The following COL7A1 variants were observed in gnomAD, a reference collection of about 807,000 sequenced individuals.
COL7A1 encodes collagen type VII alpha 1 chain, also known as collagen alpha-1(VII) chain.
Under a neutral mutation model 456.2 loss-of-function variants are expected in COL7A1, and 296 were observed. The ratio of observed to expected loss-of-function variants is 0.65; its 90% CI spans 0.59 to 0.71. The LOEUF is 0.71. Ranked by LOEUF, COL7A1 falls within the 30% of genes least tolerant of loss-of-function variation. COL7A1 has a pLI of 0.00. For missense variants in COL7A1, 3,441 were observed against 4,017.2 expected (o/e 0.86, Z 3.88); for synonymous variants, 1,464 against 1,525.9 (o/e 0.96, Z 0.95).
chr3:48,580,505 G>C lies in COL7A1; in HGVS notation c.5052+76C>G. The C allele has an allele frequency of 6.5e-7, 1 of 1,538,256 alleles. No individual in the cohort carries two copies. Among genetic ancestry groups the C allele is most frequent in the Non-Finnish European group, 8.9e-7 (1 of 1,117,944 alleles). ...GGAGGGTTTAGCATTACAGGGTTGGGGGGTAGGATCAGGTATTGGGAATTG... is the reference window on the plus strand; with the variant it reads ...GGAGGGTTTAGCATTACAGGGTTGGCGGGTAGGATCAGGTATTGGGAATTG... On this transcript the variant is annotated intron_variant, in intron 55 of 118. Transcript: ENST00000681320. This position sits in a 1 kb window ranked among gnomAD's most constrained non-coding sequence, Gnocchi z 4.5.
chr3:48,568,006 G>A lies in COL7A1; in HGVS notation c.7875+84C>T. ...CAGCTACTCCAACCTCTGACCCAGT[G>A]CCCTAATATCTGACCCCAGGTCCCT... is the stretch of plus-strand genomic sequence containing the variant. On this transcript the variant is annotated intron_variant, in intron 106 of 118. Coordinates refer to ENST00000681320, the MANE Select transcript of COL7A1 (RefSeq NM_000094.4). This position sits in a 1 kb window ranked among gnomAD's most constrained non-coding sequence, Gnocchi z 5.2. 2 of 1,598,446 alleles carry A rather than the reference G, an allele frequency of 1.3e-6. No individual in the cohort carries two copies. Among genetic ancestry groups the A allele is most frequent in the Non-Finnish European group, 1.7e-6 (2 of 1,165,944 alleles).
At position 48,569,733 on chromosome 3, in the gene COL7A1, C is replaced by T; in HGVS notation, c.7549G>A (p.Gly2517Ser). 6.2e-7 allele frequency: 1 copy of T among 1,614,180 alleles called. No homozygotes were observed. Among genetic ancestry groups the T allele is most frequent in the Non-Finnish European group, 8.5e-7 (1 of 1,180,016 alleles). The change falls in exon 101 of 119, where the codon GGT becomes AGT. Residue 2517 changes from glycine to serine, a missense_variant. Gly to Ser is a moderately conservative substitution (Grantham distance 56, BLOSUM62 0). Transcript: ENST00000681320. The surrounding 1 kb of genome is among the most constrained non-coding windows in gnomAD (Gnocchi z 4.9). ...KGDVGSAGLK[G>S]DKGDSAVILG... ...CCCATGCCCACACTCACCTTGTCAC[C>T]CTTTAGTCCTGCACTCCCAACATCA... is the stretch of plus-strand genomic sequence containing the variant.
In COL7A1 at chr3:48,582,926, G is replaced by A; in HGVS notation, c.4518+87C>T. On this transcript the variant is annotated intron_variant, in intron 44 of 118. Coordinates refer to ENST00000681320, the MANE Select transcript of COL7A1 (RefSeq NM_000094.4). ...GTCATTGAGGAGGGGTGAGGAGCAG[G>A]GGTAGCAGGGGTCAAGGGCAAGAAG... The A allele has an allele frequency of 3.2e-6, 5 of 1,583,818 alleles. No homozygotes were observed. In the Admixed American group the frequency reaches 5.0e-5, roughly 16 times the overall value.
rs1335086116 is a variant in COL7A1 at position 48,575,933 on chromosome 3, C to T, written c.5821-31G>A. On this transcript the variant is annotated intron_variant, in intron 71 of 118. Coordinates refer to ENST00000681320, the MANE Select transcript of COL7A1 (RefSeq NM_000094.4). This position sits in a 1 kb window ranked among gnomAD's most constrained non-coding sequence, Gnocchi z 6.3. ...GACAAAGTCTGGGTGAAGGGCTGCC[C>T]ATGACAGAGAAGCTCCTGCCTTCTG... is the stretch of plus-strand genomic sequence containing the variant. The T allele has an allele frequency of 1.2e-6, 2 of 1,614,116 alleles. No individual in the cohort carries two copies. The highest frequency in any genetic ancestry group is 1.6e-4 in the Middle Eastern group (1 of 6,062).
In COL7A1 at chr3:48,578,557, AT is replaced by A. The variant is rs1320385580; in HGVS notation, c.5425-43del. 1 of 1,601,398 alleles carries A rather than the reference AT, an allele frequency of 6.2e-7. No homozygotes were observed. The highest frequency in any genetic ancestry group is 1.3e-5 in the African/African-American group (1 of 74,770). On this transcript the variant is annotated intron_variant, in intron 63 of 118. Transcript: ENST00000681320. The surrounding 1 kb of genome is among the most constrained non-coding windows in gnomAD (Gnocchi z 4.7). ...TTAAGATTTATAGGGCCTCTGAGATATCCCTTGGGGCACACCCCATGGACTA... is the reference window on the plus strand; with the variant it reads ...TTAAGATTTATAGGGCCTCTGAGATACCCTTGGGGCACACCCCATGGACTA...
intron 65 of COL7A1, among the ~76,000 whole-genome samples, chr3:48,577,523 A>G (rs2044397193): frequency 1.3e-5 from 2 of 152,214 alleles, no homozygotes; most frequent in South Asian, 2.1e-4. Context: ...GTGTATGACC[A>G]TAAGCGTGTG....
Position 48,569,440 on chromosome 3 carries a change from G to A in COL7A1, c.7621C>T (p.Arg2541Ter), listed in dbSNP as rs2107641787. The change falls in exon 103 of 119, where the codon CGA becomes TGA. Residue 2541 changes from arginine (R) to a stop codon, truncating the protein, a stop_gained. Coordinates refer to ENST00000681320, the MANE Select transcript of COL7A1 (RefSeq NM_000094.4). LOFTEE classifies it high-confidence loss of function. This position sits in a 1 kb window ranked among gnomAD's most constrained non-coding sequence, Gnocchi z 4.9. Reference protein sequence around the residue: ...PRGAKGDMGERGPRGLDGDKG... With the variant: ...PRGAKGDMGE The stretch of plus-strand genomic sequence containing the variant: ...TCACCATCCAAGCCCCGAGGCCCTC[G>A]TTCACCCTGGGTTGGTTTGGGTAAG... The A allele has an allele frequency of 3.1e-6, 5 of 1,614,102 alleles. No individual in the cohort carries two copies. The highest frequency in any genetic ancestry group is 1.3e-5 in the African/African-American group (1 of 75,014).
In COL7A1 at chr3:48,568,717, AG is replaced by A. The variant is rs757723447; in HGVS notation, c.7758+66del. The A allele has an allele frequency of 2.8e-4, 430 of 1,519,352 alleles. No individual in the cohort carries two copies. Among genetic ancestry groups the A allele is most frequent in the Non-Finnish European group, 3.7e-4 (414 of 1,118,952 alleles). 94.1% of individuals were successfully genotyped at this position (1,519,352 alleles called of 1,614,324 possible). The stretch of plus-strand genomic sequence containing the variant: ...ACCCCCAGCACTTAAGAGGACCCCC[AG>A]GATATGTGTGTGTGTGATGCTGGCT... On this transcript the variant is annotated intron_variant, in intron 104 of 118. Transcript: ENST00000681320. The surrounding 1 kb of genome is among the most constrained non-coding windows in gnomAD (Gnocchi z 5.2).
chr3:48,578,832 A>C lies in COL7A1; in HGVS notation c.5424+87T>G, dbSNP rs925487322. 2 of 1,408,448 alleles carry C rather than the reference A, an allele frequency of 1.4e-6. No individual in the cohort carries two copies. Among genetic ancestry groups the C allele is most frequent in the Non-Finnish European group, 1.9e-6 (2 of 1,039,140 alleles). 87.2% of individuals were successfully genotyped at this position (1,408,448 alleles called of 1,614,324 possible). ...GCAAGGCTGAACCGACCCCCCACCA[A>C]CTCTCTCGGATGCTGTGACTATGAT... On this transcript the variant is annotated intron_variant, in intron 63 of 118. Coordinates refer to ENST00000681320, the MANE Select transcript of COL7A1 (RefSeq NM_000094.4). This position sits in a 1 kb window ranked among gnomAD's most constrained non-coding sequence, Gnocchi z 4.7.
chr3:48,575,360 C>T lies in COL7A1; in HGVS notation c.6159G>A (p.Glu2053=), dbSNP rs2107673924. ...TCACCCTCTCTCCTGGCCTTCCTGC[C>T]TCTCCCACACCCCCAGCCCTGCCTG... ...GLPGRAGGVG[E]AGRPGERGER... The change falls in exon 74 of 119, where the codon GAG becomes GAA. Residue 2053 remains glutamate, a synonymous_variant. Coordinates refer to ENST00000681320, the MANE Select transcript of COL7A1 (RefSeq NM_000094.4). The surrounding 1 kb of genome is among the most constrained non-coding windows in gnomAD (Gnocchi z 6.3). The T allele has an allele frequency of 1.9e-6, 3 of 1,612,664 alleles. No individual in the cohort carries two copies. Among genetic ancestry groups the T allele is most frequent in the African/African-American group, 2.7e-5 (2 of 75,034 alleles).
At position 48,581,416 on chromosome 3, in the gene COL7A1, C is replaced by G. The variant is rs200514312; in HGVS notation, c.4818+32G>C. On this transcript the variant is annotated intron_variant, in intron 51 of 118. Transcript: ENST00000681320. The surrounding 1 kb of genome is among the most constrained non-coding windows in gnomAD (Gnocchi z 5.8). ...TCTCAAGGGGAGGGGACCCCAGAAG[C>G]CTTGAGGTTGCCCAGGGTAACGGGT... The G allele has an allele frequency of 2.5e-5, 40 of 1,613,918 alleles. No homozygotes were observed. The highest frequency in any genetic ancestry group is 1.3e-4 in the East Asian group (6 of 44,868).
Position 48,594,444 on chromosome 3 carries a change from G to A in COL7A1, c.190C>T (p.Leu64=), listed in dbSNP as rs1433553113. ...FREVRSFLEG[L]VLPFSGAASA... ...GCTGCTCCAGAGAAAGGCAGCACCA[G>A]CCCTTCGAGAAAGCTGCGGACCTCG... Residue 64 remains leucine (L), a synonymous_variant, in exon 3 of 119, where the codon CTG becomes TTG. Coordinates refer to ENST00000681320, the MANE Select transcript of COL7A1 (RefSeq NM_000094.4). This position sits in a 1 kb window ranked among gnomAD's most constrained non-coding sequence, Gnocchi z 5.5. 7 of 1,612,072 alleles carry A rather than the reference G, an allele frequency of 4.3e-6. No homozygotes were observed. The highest frequency in any genetic ancestry group is 5.9e-6 in the Non-Finnish European group (7 of 1,180,036).
rs755422553 is a variant in COL7A1, at chr3:48,587,545, C to T, written c.2867G>A (p.Arg956His). 2.2e-5 allele frequency: 36 copies of T among 1,613,438 alleles called. No homozygotes were observed. The highest frequency in any genetic ancestry group is 2.9e-5 in the Non-Finnish European group (34 of 1,180,036). Reference protein sequence around the residue: ...AEVTARTESPRVPSIELRVVD... With the variant: ...AEVTARTESPHVPSIELRVVD... ...CACACGTAGTTCAATGCTTGGAACA[C>T]GAGGTGACTCTGAAGGAGGAATGAA... is the stretch of plus-strand genomic sequence containing the variant. The change falls in exon 23 of 119, where the codon CGT becomes CAT. Residue 956 changes from arginine to histidine, a missense_variant. Coordinates refer to ENST00000681320, the MANE Select transcript of COL7A1 (RefSeq NM_000094.4). The surrounding 1 kb of genome is among the most constrained non-coding windows in gnomAD (Gnocchi z 6.1).
Position 48,588,787 on chromosome 3 carries a change from G to A in COL7A1, c.2442C>T (p.Gly814=), listed in dbSNP as rs546082340. The A allele has an allele frequency of 2.5e-5, 41 of 1,613,830 alleles. No individual in the cohort carries two copies. Among genetic ancestry groups the A allele is most frequent in the African/African-American group, 5.3e-5 (4 of 75,068 alleles). ...GGAGTATCTGGTGCCTCATGGGGCC[G>A]CCTGGCCAGGTGGGCATACAGCAAT... The part of the protein sequence containing the change: ...AYRLAWGRSE[G]GPMRHQILPG... The change falls in exon 20 of 119, where the codon GGC becomes GGT. Residue 814 remains glycine, a splice_region_variant and synonymous_variant. Coordinates refer to ENST00000681320, the MANE Select transcript of COL7A1 (RefSeq NM_000094.4). The surrounding 1 kb of genome is among the most constrained non-coding windows in gnomAD (Gnocchi z 4.6).
rs137992011 is a variant in COL7A1 at position 48,581,375 on chromosome 3, G to A, written c.4819-35C>T. 1,360 of 1,613,654 alleles carry A rather than the reference G, an allele frequency of 8.4e-4. 13 individuals carry two copies. The African/African-American group carries it at 0.014, about 16-fold the overall frequency. On this transcript the variant is annotated intron_variant, in intron 51 of 118. Transcript: ENST00000681320. This position sits in a 1 kb window ranked among gnomAD's most constrained non-coding sequence, Gnocchi z 5.8. ...AGGCAAGAGGGAGGTGATGCAGGAC[G>A]CTCGAAGCAAGCAGTTCTCAAGGGG...
At position 48,565,004 on chromosome 3, in the gene COL7A1, C is replaced by T; in HGVS notation, c.8621-24G>A. 1 of 1,614,028 alleles carries T rather than the reference C, an allele frequency of 6.2e-7. No homozygotes were observed. The highest frequency in any genetic ancestry group is 8.5e-7 in the Non-Finnish European group (1 of 1,179,944). On this transcript the variant is annotated intron_variant, in intron 117 of 118. Transcript: ENST00000681320. The surrounding 1 kb of genome is among the most constrained non-coding windows in gnomAD (Gnocchi z 4.5). The stretch of plus-strand genomic sequence containing the variant: ...GTCTGGGCCAATGGGGTCAAGTCAG[C>T]AGGGTTTGTGGGAATCAGAGAGGGT...
chr3:48,581,030 G>T lies in COL7A1; in HGVS notation c.4935+92C>A. On this transcript the variant is annotated intron_variant, in intron 53 of 118. Coordinates refer to ENST00000681320, the MANE Select transcript of COL7A1 (RefSeq NM_000094.4). This position sits in a 1 kb window ranked among gnomAD's most constrained non-coding sequence, Gnocchi z 5.8. ...CTGAGCAGCAGCTGGACAGGAGGCA[G>T]GGAGTGGATGGATGAACTGGTGGAG... 1 of 1,599,032 alleles carries T rather than the reference G, an allele frequency of 6.3e-7. No individual in the cohort carries two copies. Among genetic ancestry groups the T allele is most frequent in the Non-Finnish European group, 8.6e-7 (1 of 1,167,318 alleles).
In COL7A1 at chr3:48,581,702, T is replaced by A. The variant is rs776845875; in HGVS notation, c.4722+4A>T. The stretch of plus-strand genomic sequence containing the variant: ...CTGCCCCCTAAACACTTCGCTTCAC[T>A]TACCCGTTCCCCTTGGACTCCGGTA... On this transcript the variant is annotated splice_donor_region_variant and intron_variant, in intron 49 of 118. Transcript: ENST00000681320. The surrounding 1 kb of genome is among the most constrained non-coding windows in gnomAD (Gnocchi z 5.8). 6.2e-6 allele frequency: 10 copies of A among 1,614,028 alleles called. No individual in the cohort carries two copies. Among genetic ancestry groups the A allele is most frequent in the Non-Finnish European group, 8.5e-6 (10 of 1,180,000 alleles).
rs1298310274 is a variant in COL7A1, at chr3:48,583,329, C to T, written c.4437+64G>A. 2.5e-6 allele frequency: 4 copies of T among 1,612,360 alleles called. No homozygotes were observed. The African/African-American group carries it at 5.3e-5, about 22-fold the overall frequency. ...TCTTATCTCCTTATCTTCCAGCCTC[C>T]CCTAACACCATGGGGAGCCCAGAGT... On this transcript the variant is annotated intron_variant, in intron 42 of 118. Transcript: ENST00000681320. This position sits in a 1 kb window ranked among gnomAD's most constrained non-coding sequence, Gnocchi z 5.1.
Sources: allele counts gnomAD v4.1 joint callset (sites outside exome capture counted in the v4.1 genomes callset), GRCh38; gene constraint gnomAD v4.1.1; non-coding constraint Gnocchi (gnomAD v3.1); transcripts MANE v1.5; gene names NCBI Gene and HGNC (gene_info 2026-07-23, HGNC 2026-07-21).